The following TGFBR3L variants were observed in gnomAD, a reference collection of about 807,000 sequenced individuals.
TGFBR3L encodes transforming growth factor beta receptor 3 like, also known as transforming growth factor-beta receptor type 3-like protein.
A neutral mutation model predicts 20.4 loss-of-function variants in TGFBR3L; 21 were observed. That is an observed-to-expected ratio of 1.03 (90% CI 0.73 to 1.48). The LOEUF (loss-of-function observed/expected upper bound fraction) is 1.48, where lower values mean the gene tolerates loss of function less well. TGFBR3L is among the 40% of genes most tolerant of loss of function. The pLI, the probability that TGFBR3L is intolerant of heterozygous loss-of-function variation, is 0.00. For missense variants in TGFBR3L, 479 were observed against 498.0 expected (o/e 0.96, Z 0.36); for synonymous variants, 245 against 244.2 (o/e 1.00, Z -0.03).
Position 7,917,243 on chromosome 19 carries a change from A to C in TGFBR3L, c.598-230A>C, listed in dbSNP as rs117737766. ...ACATGCTAGGTGCTGGGAGACGCGG[A>C]CCATGCGATCTTGTGGGGCTGGGAT... On this transcript the variant is annotated intron_variant, in intron 2 of 5. Transcript: ENST00000565886. Among the ~76,000 whole-genome samples, 565 of 152,012 alleles carry C rather than the reference A, an allele frequency of 3.7e-3. 22 individuals are homozygous for C. In the East Asian group the frequency reaches 0.091, roughly 25 times the overall value.
At position 7,915,786 on chromosome 19, in the gene TGFBR3L, T is replaced by G. The variant is rs1310787966; in HGVS notation, c.-482T>G. ...CAGGCAATCTTTCGTATTTGGAGATTAGCCGTTTTACCAGGACCCCGCTCA... is the reference window on the plus strand; with the variant it reads ...CAGGCAATCTTTCGTATTTGGAGATGAGCCGTTTTACCAGGACCCCGCTCA... On this transcript the variant is annotated 5_prime_UTR_variant, in exon 1 of 6. Coordinates refer to ENST00000565886, the MANE Select transcript of TGFBR3L (RefSeq NM_001195259.2). Among the ~76,000 whole-genome samples, 7 of 152,244 alleles carry G rather than the reference T, an allele frequency of 4.6e-5. No individual in the cohort carries two copies. The highest frequency in any genetic ancestry group is 2.1e-4 in the South Asian group (1 of 4,830).
Position 7,916,108 on chromosome 19 carries a change from C to T in TGFBR3L, c.-160C>T. On this transcript the variant is annotated 5_prime_UTR_variant, in exon 1 of 6. Coordinates refer to ENST00000565886, the MANE Select transcript of TGFBR3L (RefSeq NM_001195259.2). Reference sequence around the variant, plus strand: ...AGCCGGACCCCACCATCGGGTGCTCCTCACCGCTTCTCTTCCGCCCCAGGG... The same window carrying T: ...AGCCGGACCCCACCATCGGGTGCTCTTCACCGCTTCTCTTCCGCCCCAGGG... 1 of 1,400,644 alleles carries T rather than the reference C, an allele frequency of 7.1e-7. No individual in the cohort carries two copies. Among genetic ancestry groups the T allele is most frequent in the Non-Finnish European group, 9.3e-7 (1 of 1,070,180 alleles). The allele number at this position is 1,400,644 out of a possible 1,614,324, so 86.8% of individuals were successfully genotyped here. A position where few individuals can be genotyped will look rare whatever the true frequency, so the allele number is the denominator to read the frequency against.
chr19:7,918,069 C>T lies in TGFBR3L; in HGVS notation c.896C>T (p.Pro299Leu). The change falls in exon 5 of 6, where the codon CCT (proline) becomes CTT (leucine). Residue 299 changes from proline (P) to leucine (L), a missense_variant. By Grantham distance (98) the Pro-to-Leu change is moderately conservative. Coordinates refer to ENST00000565886, the MANE Select transcript of TGFBR3L (RefSeq NM_001195259.2). ...CTCTCCCTTCCAGCGCCCCACGCCC[C>T]TGGCCCGCCCGCGAGAGCCTCGCCC... 1 of 1,535,720 alleles carries T rather than the reference C, an allele frequency of 6.5e-7. No homozygotes were observed. The highest frequency in any genetic ancestry group is 1.2e-5 in the South Asian group (1 of 84,052).
At position 7,917,829 on chromosome 19, in the gene TGFBR3L, G is replaced by A. The variant is rs1274025151; in HGVS notation, c.853G>A (p.Ala285Thr). Residue 285 changes from alanine to threonine, a missense_variant, in exon 4 of 6, where the codon GCC becomes ACC. Physicochemically the swap from Ala to Thr is moderately conservative, Grantham distance 58 (BLOSUM62 0). Coordinates refer to ENST00000565886, the MANE Select transcript of TGFBR3L (RefSeq NM_001195259.2). ...CTTCGTGCTGGGCGCCGCGCTGGCC[G>A]CCGGGCTGGGTCTCGTCTGTGCGCA... The A allele has an allele frequency of 2.2e-6, 3 of 1,383,692 alleles. No individual in the cohort carries two copies. Among genetic ancestry groups the A allele is most frequent in the South Asian group, 1.6e-5 (1 of 61,316 alleles). The allele number at this position is 1,383,692 out of a possible 1,614,324, so 85.7% of individuals were successfully genotyped here. A position where few individuals can be genotyped will look rare whatever the true frequency, so the allele number is the denominator to read the frequency against.
chr19:7,916,338 C>G lies in TGFBR3L; in HGVS notation c.71C>G (p.Thr24Ser). ...CGGCGGGGGCGAGGTGGTCGGGTCA[C>G]TTTTCCCGGAGGCCTAAAGGGCAGC... The change falls in exon 1 of 6, where the codon ACT becomes AGT. Residue 24 changes from threonine to serine, a missense_variant. Transcript: ENST00000565886. The G allele has an allele frequency of 6.5e-7, 1 of 1,535,664 alleles. No homozygotes were observed. The highest frequency in any genetic ancestry group is 8.7e-7 in the Non-Finnish European group (1 of 1,146,776).
At position 7,917,877 on chromosome 19, in the gene TGFBR3L, C is replaced by T; in HGVS notation, c.883+18C>T. 1.5e-6 allele frequency: 2 copies of T among 1,369,360 alleles called. No homozygotes were observed. The highest frequency in any genetic ancestry group is 1.7e-5 in the South Asian group (1 of 57,800). 84.8% of individuals were successfully genotyped at this position (1,369,360 alleles called of 1,614,324 possible). On this transcript the variant is annotated intron_variant, in intron 4 of 5. Transcript: ENST00000565886. ...GCACTCAGGTACCGACGACCTCCGC[C>T]AAGCCGGGCCCCCAGTCTAATCCCG... is the stretch of plus-strand genomic sequence containing the variant.
In TGFBR3L at chr19:7,918,903, G is replaced by A. The variant is rs1008931156; in HGVS notation, c.*6-14G>A. The A allele has an allele frequency of 4.5e-5, 18 of 398,496 alleles. No homozygotes were observed. The highest frequency in any genetic ancestry group is 7.1e-5 in the Non-Finnish European group (16 of 226,062). 24.7% of individuals were successfully genotyped at this position (398,496 alleles called of 1,614,324 possible). A position where few individuals can be genotyped will look rare whatever the true frequency, so the allele number is the denominator to read the frequency against. ...GCGTCCCCTCCCTCGCTGAGCCTCA[G>A]CCACCCCTCCCAGGGATGGTGCGCC... On this transcript the variant is annotated splice_polypyrimidine_tract_variant and intron_variant, in intron 5 of 5. Transcript: ENST00000565886.
chr19:7,916,169 G>T lies in TGFBR3L; in HGVS notation c.-99G>T. The T allele has an allele frequency of 1.4e-6, 2 of 1,460,680 alleles. No individual in the cohort carries two copies. Among genetic ancestry groups the T allele is most frequent in the Non-Finnish European group, 9.0e-7 (1 of 1,108,638 alleles). The allele number at this position is 1,460,680 out of a possible 1,614,324, so 90.5% of individuals were successfully genotyped here. A position where few individuals can be genotyped will look rare whatever the true frequency, so the allele number is the denominator to read the frequency against. On this transcript the variant is annotated 5_prime_UTR_variant, in exon 1 of 6. Transcript: ENST00000565886. Reference sequence around the variant, plus strand: ...CAGCTTCGGAGGCTTCTCTAGGGGCGCATGGCTCTGCAACCGGCTCAGTTG... The same window carrying T: ...CAGCTTCGGAGGCTTCTCTAGGGGCTCATGGCTCTGCAACCGGCTCAGTTG...
chr19:7,916,825 G>A lies in TGFBR3L; in HGVS notation c.480G>A (p.Pro160=), dbSNP rs1983329401. The A allele has an allele frequency of 2.7e-6, 4 of 1,480,344 alleles. No homozygotes were observed. Among genetic ancestry groups the A allele is most frequent in the Admixed American group, 4.4e-5 (2 of 45,270 alleles). 91.7% of individuals were successfully genotyped at this position (1,480,344 alleles called of 1,614,324 possible). The change falls in exon 2 of 6, where the codon CCG becomes CCA. Residue 160 remains proline, a synonymous_variant. Transcript: ENST00000565886. ...CGCGTTTCAGCTTCCGCCTGCGCCCGGTCTTCAACGCCTCGGTGCAGTTCC... is the reference window on the plus strand; with the variant it reads ...CGCGTTTCAGCTTCCGCCTGCGCCCAGTCTTCAACGCCTCGGTGCAGTTCC...
In TGFBR3L at chr19:7,916,202, G is replaced by C; in HGVS notation, c.-66G>C. 11 of 1,497,630 alleles carry C rather than the reference G, an allele frequency of 7.3e-6. No individual in the cohort carries two copies. Among genetic ancestry groups the C allele is most frequent in the Non-Finnish European group, 8.9e-6 (10 of 1,126,636 alleles). The allele number at this position is 1,497,630 out of a possible 1,614,324, so 92.8% of individuals were successfully genotyped here. A position where few individuals can be genotyped will look rare whatever the true frequency, so the allele number is the denominator to read the frequency against. ...CTGCAACCGGCTCAGTTGCTGGGCTGTGCGAGTCCCAGGGGTCGCCAGGGG... is the reference window on the plus strand; with the variant it reads ...CTGCAACCGGCTCAGTTGCTGGGCTCTGCGAGTCCCAGGGGTCGCCAGGGG... On this transcript the variant is annotated 5_prime_UTR_variant, in exon 1 of 6. Coordinates refer to ENST00000565886, the MANE Select transcript of TGFBR3L (RefSeq NM_001195259.2).
rs1414410118 is a variant in TGFBR3L at position 7,917,709 on chromosome 19, A to T, written c.733A>T (p.Lys245Ter). The T allele has an allele frequency of 4.9e-6, 7 of 1,425,752 alleles. No individual in the cohort carries two copies. Among genetic ancestry groups the T allele is most frequent in the Non-Finnish European group, 6.4e-6 (7 of 1,097,378 alleles). 88.3% of individuals were successfully genotyped at this position (1,425,752 alleles called of 1,614,324 possible). A position where few individuals can be genotyped will look rare whatever the true frequency, so the allele number is the denominator to read the frequency against. The change falls in exon 4 of 6, where the codon AAG becomes TAG. Residue 245 changes from lysine (K) to a stop codon, truncating the protein, a stop_gained. Transcript: ENST00000565886. LOFTEE classifies it high-confidence loss of function. ...CGTGGCACTTCCCACAGGGCCGCCC[A>T]AGAGTGTCCCCGGCCGTGCAGTGCG...
chr19:7,916,846 G>A lies in TGFBR3L; in HGVS notation c.501G>A (p.Gln167=). The stretch of plus-strand genomic sequence containing the variant: ...GCCCGGTCTTCAACGCCTCGGTGCA[G>A]TTCCTGCACTGCCAGCTGAGCCGCT... Residue 167 remains glutamine (Q), a synonymous_variant, in exon 2 of 6, where the codon CAG becomes CAA. Transcript: ENST00000565886. 1.4e-6 allele frequency: 2 copies of A among 1,432,176 alleles called. No homozygotes were observed. Among genetic ancestry groups the A allele is most frequent in the South Asian group, 2.8e-5 (2 of 71,408 alleles). The allele number at this position is 1,432,176 out of a possible 1,614,324, so 88.7% of individuals were successfully genotyped here.
At position 7,916,927 on chromosome 19, in the gene TGFBR3L, G is replaced by A; in HGVS notation, c.582G>A (p.Pro194=). The stretch of plus-strand genomic sequence containing the variant: ...CTGCGCCTCTGACGCCGCCGCCGCC[G>A]CCGCCGCCATCGCGGGTGCGCGGGC... Residue 194 remains proline, a synonymous_variant, in exon 2 of 6, where the codon CCG becomes CCA. Transcript: ENST00000565886. 7.7e-7 allele frequency: 1 copy of A among 1,294,330 alleles called. No individual in the cohort carries two copies. The highest frequency in any genetic ancestry group is 2.6e-5 in the South Asian group (1 of 38,590). The allele number at this position is 1,294,330 out of a possible 1,614,324, so 80.2% of individuals were successfully genotyped here. A position where few individuals can be genotyped will look rare whatever the true frequency, so the allele number is the denominator to read the frequency against.
chr19:7,916,573 T>A, intron 1 of TGFBR3L, 30 bp downstream of exon 2: 3 of 1,441,832 alleles, frequency 2.1e-6, no homozygotes, highest in Non-Finnish European at 2.7e-6. Context: ...CAGGGGCGGA[T>A]GGGGGCCGGT....
Position 7,916,057 on chromosome 19 carries a change from A to C in TGFBR3L, c.-211A>C. On this transcript the variant is annotated 5_prime_UTR_variant, in exon 1 of 6. Transcript: ENST00000565886. ...TGCGTCCCCAAGAGCAGCCCTGGGG[A>C]AGGTGGGGGAGCTCTGACTTCACCC... 1.1e-6 allele frequency: 1 copy of C among 894,828 alleles called. No homozygotes were observed. The highest frequency in any genetic ancestry group is 1.6e-6 in the Non-Finnish European group (1 of 612,892). 55.4% of individuals were successfully genotyped at this position (894,828 alleles called of 1,614,324 possible).
At chr19:7,917,082 C>G in intron 2 of TGFBR3L, 140 bp downstream of exon 3, 1 of 1,170,300 alleles carries the variant, frequency 8.5e-7, no homozygotes, top group Non-Finnish European at 1.1e-6. Context: ...GGGTCCATCT[C>G]TGCCGACAGA....
rs1380244165 is a variant in TGFBR3L, at chr19:7,915,871, G to T, written c.-397G>T. ...GCACGAAGAGGGGAGGGGTCCCATGGCTGCCTCAGCCTGGACAAGTGGAAG... is the reference window on the plus strand; with the variant it reads ...GCACGAAGAGGGGAGGGGTCCCATGTCTGCCTCAGCCTGGACAAGTGGAAG... On this transcript the variant is annotated 5_prime_UTR_variant, in exon 1 of 6. Coordinates refer to ENST00000565886, the MANE Select transcript of TGFBR3L (RefSeq NM_001195259.2). Among the ~76,000 whole-genome samples, 1 of 152,216 alleles carries T rather than the reference G, an allele frequency of 6.6e-6. No homozygotes were observed. The highest frequency in any genetic ancestry group is 1.9e-4 in the East Asian group (1 of 5,200).
Position 7,916,759 on chromosome 19 carries a change from C to T in TGFBR3L, c.414C>T (p.Phe138=). 1.3e-6 allele frequency: 2 copies of T among 1,491,184 alleles called. No individual in the cohort carries two copies. Among genetic ancestry groups the T allele is most frequent in the Non-Finnish European group, 1.8e-6 (2 of 1,126,598 alleles). 92.4% of individuals were successfully genotyped at this position (1,491,184 alleles called of 1,614,324 possible). The change falls in exon 2 of 6, where the codon TTC becomes TTT. Residue 138 remains phenylalanine, a synonymous_variant. Transcript: ENST00000565886. The stretch of plus-strand genomic sequence containing the variant: ...GCCCCGCCGACACCTCTGTCGCCTT[C>T]CCGCCACCGCCGCCGCCGAGCCCGG...
At chr19:7,916,973 G>T in intron 2 of TGFBR3L, 31 bp downstream of exon 3, 2 of 1,273,056 alleles carry the variant, frequency 1.6e-6, no homozygotes, top group Non-Finnish European at 2.0e-6. Flanking sequence ...GAATCCGGGC[G>T]CTGGGGCCCT....
Sources: gnomAD v4.1 joint callset for allele counts (sites outside exome capture counted in the v4.1 genomes callset) on GRCh38, gnomAD v4.1.1 for gene constraint, MANE v1.5 for transcripts, NCBI Gene and HGNC (gene_info 2026-07-23, HGNC 2026-07-21) for gene names.